RBFOX1: variants seen among roughly 807,000 people sequenced by gnomAD.
RBFOX1 encodes the protein RNA binding protein fox-1 homolog 1.
In RBFOX1, 8 loss-of-function variants were observed where a neutral mutation model predicts 57.7. The ratio of observed to expected loss-of-function variants is 0.14; its 90% confidence interval spans 0.08 to 0.25. The LOEUF (loss-of-function observed/expected upper bound fraction) is 0.25. RBFOX1 is among the 10% of genes least tolerant of loss of function. The pLI is 1.00. For synonymous variants in RBFOX1, 326 were observed against 222.4 expected, an observed-to-expected ratio of 1.47 and a Z score of -4.15; for missense variants, 611 against 548.5, an observed-to-expected ratio of 1.11 and a Z score of -1.14.
chr16:7,347,514 G>C (rs2097035980), intron 4 of RBFOX1, among the ~76,000 whole-genome samples: 1 of 152,128 alleles, frequency 6.6e-6, no homozygotes. Context: ...AATCGTGGGA[G>C]ATACAATTCA....
chr16:6,770,176 T>C (rs2078051991), intron 3 of RBFOX1, among the ~76,000 whole-genome samples: 1 of 152,188 alleles, frequency 6.6e-6, no homozygotes, highest in Non-Finnish European at 1.5e-5. Context: ...TAAATATTCT[T>C]GTATATATCC....
intron 3 of RBFOX1, among the ~76,000 whole-genome samples, chr16:5,708,796 G>A (rs1182271687): frequency 1.3e-5 from 2 of 152,186 alleles, no homozygotes; most frequent in South Asian, 2.1e-4. Context: ...GAAAGAAGTA[G>A]CTGTGAGATG....
chr16:6,742,853 G>C (rs776863707), intron 3 of RBFOX1, among the ~76,000 whole-genome samples: 1 of 152,116 alleles, frequency 6.6e-6, no homozygotes, highest in Non-Finnish European at 1.5e-5. Flanking sequence ...GAACTATAAA[G>C]GTACAGCATG....
At chr16:5,446,855 C>T (rs2068255922) in intron 1 of RBFOX1, among the ~76,000 whole-genome samples, 1 of 152,050 alleles carries the variant, frequency 6.6e-6, no homozygotes, top group South Asian at 2.1e-4. Context: ...GTCTTGGGTA[C>T]CACAAAGATG....
chr16:6,627,713 G>C (rs746079480), intron 2 of RBFOX1, among the ~76,000 whole-genome samples: 1 of 152,172 alleles, frequency 6.6e-6, no homozygotes, highest in Non-Finnish European at 1.5e-5. Context: ...CAAAAGTGAG[G>C]TGTCAGTCAT....
chr16:6,721,416 C>A (rs1470923844), intron 3 of RBFOX1, among the ~76,000 whole-genome samples: 1 of 152,200 alleles, frequency 6.6e-6, no homozygotes, highest in Non-Finnish European at 1.5e-5. Flanking sequence ...GCACTCCAGC[C>A]TGGGGGACAG....
At chr16:6,891,034 C>G (rs771461996) in intron 3 of RBFOX1, among the ~76,000 whole-genome samples, 9 of 152,130 alleles carry the variant, frequency 5.9e-5, no homozygotes, top group African/African-American at 1.2e-4. Flanking sequence ...ACAGGAGTTA[C>G]GTCTGATTCC....
intron 1 of RBFOX1, among the ~76,000 whole-genome samples, chr16:6,210,555 C>T (rs939834470): frequency 6.6e-6 from 1 of 151,612 alleles, no homozygotes; most frequent in African/African-American, 2.4e-5. Flanking sequence ...TGTAGCGAGA[C>T]CCTGTCTCTA....
intron 5 of RBFOX1, among the ~76,000 whole-genome samples, chr16:7,569,231 A>C (rs1055168408): frequency 6.6e-5 from 10 of 152,132 alleles, no homozygotes; most frequent in African/African-American, 2.4e-4. Flanking sequence ...CCACAACACA[A>C]GTATATTAGG....
intron 1 of RBFOX1, among the ~76,000 whole-genome samples, chr16:6,025,303 C>T (rs542588347): frequency 5.9e-5 from 9 of 152,318 alleles, no homozygotes; most frequent in East Asian, 1.9e-4. Context: ...CTCGATTCCC[C>T]ACCACCACCT....
At chr16:6,311,674 C>G (rs2080330159) in intron 1 of RBFOX1, among the ~76,000 whole-genome samples, 1 of 152,230 alleles carries the variant, frequency 6.6e-6, no homozygotes, top group African/African-American at 2.4e-5. Context: ...AGGCATGAAT[C>G]TTTCGCATGG....
chr16:5,956,261 G>A (rs188766462), intron 4 of RBFOX1, among the ~76,000 whole-genome samples: 2 of 152,208 alleles, frequency 1.3e-5, no homozygotes, highest in South Asian at 2.1e-4. Flanking sequence ...GGGCGATGGA[G>A]TGAAACTGTT....
chr16:6,537,186 G>T (rs2096747035), intron 2 of RBFOX1, among the ~76,000 whole-genome samples: 1 of 152,098 alleles, frequency 6.6e-6, no homozygotes, highest in Non-Finnish European at 1.5e-5. Flanking sequence ...TGTTTCGTAG[G>T]TCTGGGTGGA....
At chr16:5,593,506 C>T (rs1377730697) in intron 2 of RBFOX1, among the ~76,000 whole-genome samples, 1 of 152,160 alleles carries the variant, frequency 6.6e-6, no homozygotes, top group East Asian at 1.9e-4. Context: ...AAAAAAAGAT[C>T]TTTCTGATAA....
chr16:7,305,864 G>A (rs955056797), intron 4 of RBFOX1, among the ~76,000 whole-genome samples: 10 of 152,154 alleles, frequency 6.6e-5, no homozygotes, highest in African/African-American at 2.4e-4. Flanking sequence ...TCCCAAGAGA[G>A]TATTGATAAC....
chr16:5,651,859 C>T (rs1446118491), intron 3 of RBFOX1, among the ~76,000 whole-genome samples: 4 of 152,178 alleles, frequency 2.6e-5, no homozygotes, highest in Non-Finnish European at 5.9e-5. Flanking sequence ...TTAGGCCGGG[C>T]ACAGTGGCTC....
At chr16:6,578,880 C>G (rs1328461639) in intron 2 of RBFOX1, among the ~76,000 whole-genome samples, 1 of 151,638 alleles carries the variant, frequency 6.6e-6, no homozygotes, top group Non-Finnish European at 1.5e-5. Flanking sequence ...ACTTTGGGGA[C>G]TTGGGGGAAA....
At chr16:7,688,256 T>TGA (rs1375969994) in intron 14 of RBFOX1, among the ~76,000 whole-genome samples, 17 of 123,260 alleles carry the variant, frequency 1.4e-4, no homozygotes, top group African/African-American at 5.0e-4. Context: ...TGTGTGTGTG[T>TGA]GTGTGAGAGA....
intron 1 of RBFOX1, among the ~76,000 whole-genome samples, chr16:6,131,635 A>G (rs1195691152): frequency 6.6e-6 from 1 of 152,168 alleles, no homozygotes; most frequent in Admixed American, 6.5e-5. Flanking sequence ...AAGATTCACC[A>G]TATCAACATA....
Sources: gnomAD v4.1 joint callset for allele counts (sites outside exome capture counted in the v4.1 genomes callset) on GRCh38, gnomAD v4.1.1 for gene constraint, MANE v1.5 for transcripts, NCBI Gene and HGNC (gene_info 2026-07-23, HGNC 2026-07-21) for gene names.